The following PRMT5 variants were observed in gnomAD, a reference collection of about 807,000 sequenced individuals.
PRMT5 encodes protein arginine N-methyltransferase 5.
A neutral mutation model predicts 84.0 loss-of-function variants in PRMT5; 15 were observed. The observed-to-expected ratio is 0.18, with a 90% CI of 0.12 to 0.28. The LOEUF is 0.28. Among genes scored for constraint, PRMT5 ranks in the 10% least tolerant of loss-of-function variants. The pLI is 1.00. For synonymous variants in PRMT5, 276 were observed against 292.4 expected (o/e 0.94, Z 0.57); for missense variants, 486 against 808.0 (o/e 0.60, Z 4.83).
Position 22,923,037 on chromosome 14 carries a change from G to A in PRMT5, c.1485+14C>T. The A allele has an allele frequency of 6.4e-7, 1 of 1,568,990 alleles. No homozygotes were observed. Among genetic ancestry groups the A allele is most frequent in the Non-Finnish European group, 8.8e-7 (1 of 1,141,264 alleles). ...AAAGAGTACCACTTCTTTCCAGAGA[G>A]AGTGGTTCTTTACCTCAGGGTCACG... On this transcript the variant is annotated intron_variant, in intron 13 of 16. Coordinates refer to ENST00000324366, the MANE Select transcript of PRMT5 (RefSeq NM_006109.5). The surrounding 1 kb of genome is among the most constrained non-coding windows in gnomAD (Gnocchi z 5.2).
chr14:22,925,245 C>G (rs920261628), intron 7 of PRMT5, among the ~76,000 whole-genome samples: 1 of 151,846 alleles, frequency 6.6e-6, no homozygotes, highest in African/African-American at 2.4e-5. Context: ...CAACCTCCAC[C>G]TCCCAGGTTC....
chr14:22,920,926 C>T lies in PRMT5; in HGVS notation c.1892G>A (p.Arg631His), dbSNP rs1294571004. The T allele has an allele frequency of 3.1e-6, 5 of 1,614,060 alleles. No homozygotes were observed. The highest frequency in any genetic ancestry group is 2.2e-5 in the East Asian group (1 of 44,898). The change falls in exon 17 of 17, where the codon CGC (arginine) becomes CAC (histidine). Residue 631 changes from arginine (R) to histidine (H), a missense_variant. Coordinates refer to ENST00000324366, the MANE Select transcript of PRMT5 (RefSeq NM_006109.5). Reference protein sequence around the residue: ...VCSAIHNPTGRSYTIGL With the variant: ...VCSAIHNPTGHSYTIGL Reference sequence around the variant, plus strand: ...GGGCTAGAGGCCAATGGTATATGAGCGGCCTGTGGGGTTATGAATAGCAGA... The same window carrying T: ...GGGCTAGAGGCCAATGGTATATGAGTGGCCTGTGGGGTTATGAATAGCAGA...
In PRMT5 at chr14:22,927,597, T is replaced by G. The variant is rs1470908143; in HGVS notation, c.379A>C (p.Asn127His). The change falls in exon 4 of 17, where the codon AAT (asparagine) becomes CAT (histidine). Residue 127 changes from asparagine (N) to histidine (H), a missense_variant. Asn to His is a moderately conservative substitution (Grantham distance 68, BLOSUM62 1). This residue lies in a region of PRMT5 where 215 missense variants were observed against 301.1 expected (regional missense o/e 0.71). Coordinates refer to ENST00000324366, the MANE Select transcript of PRMT5 (RefSeq NM_006109.5). ...LGLPAFLLPL[N>H]QEDNTNLARV... ...GCCAGGTTGGTGTTATCTTCCTGAT[T>G]AAGGGGCAGCAGGAAAGCTGGAAGA... 1.2e-5 allele frequency: 19 copies of G among 1,613,980 alleles called. No homozygotes were observed. The highest frequency in any genetic ancestry group is 1.4e-5 in the Non-Finnish European group (17 of 1,180,002).
Position 22,923,515 on chromosome 14 carries a change from T to TATTG in PRMT5, c.1376-356_1376-355insCAAT, listed in dbSNP as rs2139225751. 1 of 154,190 alleles carries TATTG rather than the reference T, an allele frequency of 6.5e-6. No individual in the cohort carries two copies. The highest frequency in any genetic ancestry group is 2.4e-5 in the African/African-American group (1 of 41,410). The allele number at this position is 154,190 out of a possible 1,614,324, so 9.6% of individuals were successfully genotyped here. A position where few individuals can be genotyped will look rare whatever the true frequency, so the allele number is the denominator to read the frequency against. On this transcript the variant is annotated intron_variant, in intron 12 of 16. Coordinates refer to ENST00000324366, the MANE Select transcript of PRMT5 (RefSeq NM_006109.5). The surrounding 1 kb of genome is among the most constrained non-coding windows in gnomAD (Gnocchi z 5.2). ...TGTCATATTTATTTATTTATTTATT[T>TATTG]ATTTATTTATTTATTTGAGATGGAG...
intron 6 of PRMT5, 24 bp from the exon 7 acceptor site, chr14:22,926,320 G>C (rs142811713): frequency 0.017 from 27,860 of 1,610,714 alleles, 289 homozygotes; most frequent in Non-Finnish European, 0.02. Context: ...AAGAAAAACT[G>C]TCAACCACTG....
At chr14:22,922,144 C>T (rs778513985) in intron 16 of PRMT5, 32 bp downstream of exon 16, 1 of 1,521,506 alleles carries the variant, frequency 6.6e-7, no homozygotes, top group Admixed American at 1.7e-5. Context: ...AAGGTTACTG[C>T]TTAACTAGAG....
At chr14:22,921,266 A>T (rs2044290659) in intron 16 of PRMT5, 1 of 603,290 alleles carries the variant, frequency 1.7e-6, no homozygotes, top group African/African-American at 1.9e-5. Context: ...ATGAAAGGGA[A>T]CACTAACCTA....
rs749432721 is a variant in PRMT5, at chr14:22,924,045, C to G, written c.1338G>C (p.Ser446=). 4.8e-5 allele frequency: 76 copies of G among 1,592,516 alleles called. No homozygotes were observed. The highest frequency in any genetic ancestry group is 3.4e-4 in the Middle Eastern group (2 of 5,918). The part of the protein sequence containing the change: ...LLGSFADNEL[S]PECLDGAQHF... Reference sequence around the variant, plus strand: ...GCTGGGCTCCATCCAGGCACTCAGGCGACAATTCATTGTCAGCAAATGAGC... The same window carrying G: ...GCTGGGCTCCATCCAGGCACTCAGGGGACAATTCATTGTCAGCAAATGAGC... The change falls in exon 12 of 17, where the codon TCG becomes TCC. Residue 446 remains serine, a synonymous_variant. Coordinates refer to ENST00000324366, the MANE Select transcript of PRMT5 (RefSeq NM_006109.5). The surrounding 1 kb of genome is among the most constrained non-coding windows in gnomAD (Gnocchi z 6.5).
At position 22,929,230 on chromosome 14, in the gene PRMT5, C is replaced by T. The variant is rs780515948; in HGVS notation, c.110+22G>A. 44 of 1,614,104 alleles carry T rather than the reference C, an allele frequency of 2.7e-5. 3 individuals carry two copies. In the South Asian group the frequency reaches 4.8e-4, roughly 18 times the overall value. On this transcript the variant is annotated intron_variant, in intron 1 of 16. Transcript: ENST00000324366. ...CCCCGAGTTCGGACCCCGCATTCCG[C>T]TCGTGGAGGTCCGGCCCTCACCCCT...
chr14:22,928,290 C>G lies in PRMT5; in HGVS notation c.230-79G>C. 6.7e-7 allele frequency: 1 copy of G among 1,497,226 alleles called. No homozygotes were observed. The highest frequency in any genetic ancestry group is 9.3e-7 in the Non-Finnish European group (1 of 1,079,430). 92.7% of individuals were successfully genotyped at this position (1,497,226 alleles called of 1,614,324 possible). On this transcript the variant is annotated intron_variant, in intron 2 of 16. Coordinates refer to ENST00000324366, the MANE Select transcript of PRMT5 (RefSeq NM_006109.5). This position sits in a 1 kb window ranked among gnomAD's most constrained non-coding sequence, Gnocchi z 4.8. ...TTGTTCAATTTTTAGTTTTGGGAATCAAGAGTAGAAATGAGAGACAAAGGT... is the reference window on the plus strand; with the variant it reads ...TTGTTCAATTTTTAGTTTTGGGAATGAAGAGTAGAAATGAGAGACAAAGGT...
Position 22,924,339 on chromosome 14 carries a change from C to T in PRMT5, c.1130G>A (p.Arg377Gln), listed in dbSNP as rs150420478. ...GRGPLVNASL[R>Q]AAKQADRRIK... ...CCGCCGGTCGGCCTGCTTGGCTGCC[C>T]GCAGGGAAGCGTTCACCAGGGGTCC... Residue 377 changes from arginine (R) to glutamine (Q), a missense_variant, in exon 11 of 17, where the codon CGG (arginine) becomes CAG (glutamine). Arg to Gln is a conservative substitution (Grantham distance 43). Around this residue, in one of 4 missense-constraint regions of PRMT5, gnomAD observed 219 missense variants for 433.6 expected, o/e 0.51. Transcript: ENST00000324366. This position sits in a 1 kb window ranked among gnomAD's most constrained non-coding sequence, Gnocchi z 6.5. 44 of 1,614,056 alleles carry T rather than the reference C, an allele frequency of 2.7e-5. No homozygotes were observed. The highest frequency in any genetic ancestry group is 3.4e-5 in the Non-Finnish European group (40 of 1,180,028).
Position 22,921,068 on chromosome 14 carries a change from AAGAC to A in PRMT5, c.1762-16_1762-13del, listed in dbSNP as rs775527470. On this transcript the variant is annotated splice_polypyrimidine_tract_variant and intron_variant, in intron 16 of 16. Transcript: ENST00000324366. Reference sequence around the variant, plus strand: ...ACCGTTATGGGCTGCTGTAAGAAGAAAGACAGGAAGGTTCAGGGTGAAGCTATGA... The same window carrying A: ...ACCGTTATGGGCTGCTGTAAGAAGAAAGGAAGGTTCAGGGTGAAGCTATGA... 8.4e-5 allele frequency: 135 copies of A among 1,613,746 alleles called. 1 individual carries two copies. The highest frequency in any genetic ancestry group is 1.1e-4 in the Non-Finnish European group (131 of 1,180,030).
intron 1 of PRMT5, 110 bp downstream of exon 1, chr14:22,929,139 CCCT>C (rs1283890995): frequency 1.2e-6 from 2 of 1,613,418 alleles, no homozygotes; most frequent in Non-Finnish European, 1.7e-6. Flanking sequence ...ATAGTCTCTC[CCCT>C]CCTCATCCTA....
intron 6 of PRMT5, 24 bp downstream of exon 6, chr14:22,926,482 A>G (rs755430256): frequency 1.1e-5 from 18 of 1,613,686 alleles, no homozygotes; most frequent in East Asian, 2.2e-5. Context: ...AGCCACACCC[A>G]TCCCAGGATT....
chr14:22,924,621 C>T lies in PRMT5; in HGVS notation c.1017+11G>A. The T allele has an allele frequency of 1.2e-6, 2 of 1,613,638 alleles. No homozygotes were observed. Among genetic ancestry groups the T allele is most frequent in the Non-Finnish European group, 1.7e-6 (2 of 1,179,630 alleles). ...CCCTGTGCTTTCCTCACCCTGGGCA[C>T]CACACAGTACCTGCTGGTACTGAGA... On this transcript the variant is annotated intron_variant, in intron 9 of 16. Coordinates refer to ENST00000324366, the MANE Select transcript of PRMT5 (RefSeq NM_006109.5). This position sits in a 1 kb window ranked among gnomAD's most constrained non-coding sequence, Gnocchi z 6.5.
chr14:22,929,110 T>G, intron 1 of PRMT5, 142 bp downstream of exon 1: 4 of 1,601,926 alleles, frequency 2.5e-6, no homozygotes, highest in Non-Finnish European at 8.5e-7. Context: ...GGTCCGAGGC[T>G]CCTCCCCTCC....
In PRMT5 at chr14:22,925,169, A is replaced by T. The variant is rs868839015; in HGVS notation, c.778-129T>A. ...CAGTTCTCTTTTTTTTTTTTTTTAA[A>T]AAAAAAGATGGAGTCTCGCTCTATT... On this transcript the variant is annotated intron_variant, in intron 7 of 16. Coordinates refer to ENST00000324366, the MANE Select transcript of PRMT5 (RefSeq NM_006109.5). 8.3e-3 allele frequency: 7,604 copies of T among 916,090 alleles called. 92 individuals carry two copies. The highest frequency in any genetic ancestry group is 0.013 in the Admixed American group (297 of 22,530). 56.7% of individuals were successfully genotyped at this position (916,090 alleles called of 1,614,324 possible). A position where few individuals can be genotyped will look rare whatever the true frequency, so the allele number is the denominator to read the frequency against.
Position 22,924,531 on chromosome 14 carries a change from A to G in PRMT5, c.1024T>C (p.Tyr342His). 1 of 1,614,116 alleles carries G rather than the reference A, an allele frequency of 6.2e-7. No homozygotes were observed. Among genetic ancestry groups the G allele is most frequent in the Non-Finnish European group, 8.5e-7 (1 of 1,179,948 alleles). Residue 342 changes from tyrosine (Y) to histidine (H), a missense_variant, in exon 10 of 17, where the codon TAT becomes CAT. Tyr to His is a moderately conservative substitution (Grantham distance 83, BLOSUM62 2). Around this residue, in one of 4 missense-constraint regions of PRMT5, gnomAD observed 219 missense variants for 433.6 expected, o/e 0.51. Coordinates refer to ENST00000324366, the MANE Select transcript of PRMT5 (RefSeq NM_006109.5). The surrounding 1 kb of genome is among the most constrained non-coding windows in gnomAD (Gnocchi z 6.5). ...GGTACTCGGTCTAGCAGACATTTAT[A>G]GATGGCCTGGAGGGAGGAGAGAATA... is the stretch of plus-strand genomic sequence containing the variant. ...IKYSQYQQAI[Y>H]KCLLDRVPEE...
rs2044480987 is a variant in PRMT5 at position 22,928,757 on chromosome 14, C to T, written c.111-142G>A. Reference sequence around the variant, plus strand: ...CTACTAGGCTGCTGAGTTCAGACCACCTTGGGGGATATCAACTCTGCTGTA... The same window carrying T: ...CTACTAGGCTGCTGAGTTCAGACCATCTTGGGGGATATCAACTCTGCTGTA... On this transcript the variant is annotated intron_variant, in intron 1 of 16. Coordinates refer to ENST00000324366, the MANE Select transcript of PRMT5 (RefSeq NM_006109.5). This position sits in a 1 kb window ranked among gnomAD's most constrained non-coding sequence, Gnocchi z 4.8. The T allele has an allele frequency of 8.2e-6, 6 of 729,838 alleles. No homozygotes were observed. The highest frequency in any genetic ancestry group is 7.9e-5 in the South Asian group (5 of 63,548). The allele number at this position is 729,838 out of a possible 1,614,324, so 45.2% of individuals were successfully genotyped here.
Sources: gnomAD v4.1 joint callset for allele counts (sites outside exome capture counted in the v4.1 genomes callset) on GRCh38, gnomAD v4.1.1 for gene constraint, gnomAD v4.1.1 regional missense constraint, Gnocchi (gnomAD v3.1) non-coding constraint, MANE v1.5 for transcripts, NCBI Gene and HGNC (gene_info 2026-07-23, HGNC 2026-07-21) for gene names.